The following CNDP2 variants were observed in gnomAD, a reference collection of about 807,000 sequenced individuals.
The protein encoded by CNDP2 is cytosolic non-specific dipeptidase.
CNDP2 carries 38 observed loss-of-function variants against 55.0 expected under a neutral mutation model. The observed-to-expected ratio is 0.69, with a 90% CI of 0.53 to 0.90. The LOEUF (loss-of-function observed/expected upper bound fraction) is 0.90, where lower values mean the gene tolerates loss of function less well. Among genes scored for constraint, CNDP2 ranks in the 40% least tolerant of loss-of-function variants. The pLI, the probability that CNDP2 is intolerant of heterozygous loss-of-function variation, is 0.00. For missense variants in CNDP2, 607 were observed against 621.7 expected, an observed-to-expected ratio of 0.98 and a Z score of 0.25; for synonymous variants, 241 against 260.2, an observed-to-expected ratio of 0.93 and a Z score of 0.71.
At chr18:74,513,449 C>T (rs1979467638) in intron 7 of CNDP2, 110 bp from the exon 8 acceptor site, 2 of 1,197,312 alleles carry the variant, frequency 1.7e-6, no homozygotes, top group Non-Finnish European at 2.3e-6. Flanking sequence ...GGCTGTGGGG[C>T]CTGAGCCGCA....
rs554910229 is a variant in CNDP2 at position 74,513,419 on chromosome 18, T to C, written c.743-140T>C. On this transcript the variant is annotated intron_variant, in intron 7 of 11. Transcript: ENST00000324262. ...TTCTGTGGACGCTTGTGGCTGCTCT[T>C]GGCCCCTCCTCAGCCACGTGGCTGT... 5,225 of 820,114 alleles carry C rather than the reference T, an allele frequency of 6.4e-3. 24 individuals carry two copies. The highest frequency in any genetic ancestry group is 8.2e-3 in the Non-Finnish European group (4,484 of 546,610). The allele number at this position is 820,114 out of a possible 1,614,324, so 50.8% of individuals were successfully genotyped here.
chr18:74,505,838 T>A lies in CNDP2; in HGVS notation c.205-11T>A. On this transcript the variant is annotated splice_polypyrimidine_tract_variant and intron_variant, in intron 3 of 11. Coordinates refer to ENST00000324262, the MANE Select transcript of CNDP2 (RefSeq NM_018235.3). ...AAGGCTGTCCTTGGTTCCTTTCCTC[T>A]CCATGCTCAGCTCCCTGATGGCTCG... is the stretch of plus-strand genomic sequence containing the variant. 1.2e-6 allele frequency: 2 copies of A among 1,612,930 alleles called. No homozygotes were observed. Among genetic ancestry groups the A allele is most frequent in the Non-Finnish European group, 8.5e-7 (1 of 1,179,608 alleles).
rs575009092 is a variant in CNDP2, at chr18:74,513,767, C to T, written c.903+48C>T. The T allele has an allele frequency of 7.9e-5, 125 of 1,586,968 alleles. No homozygotes were observed. In the South Asian group the frequency reaches 1.2e-3, roughly 16 times the overall value. ...GCCACCTGCCCAGGCCACGCTGTGA[C>T]ACAGGTGTCCCCCAGGCCCTGTCAC... On this transcript the variant is annotated intron_variant, in intron 8 of 11. Coordinates refer to ENST00000324262, the MANE Select transcript of CNDP2 (RefSeq NM_018235.3).
In CNDP2 at chr18:74,513,695, G is replaced by A. The variant is rs777738255; in HGVS notation, c.879G>A (p.Ala293=). The A allele has an allele frequency of 9.3e-6, 15 of 1,613,954 alleles. No individual in the cohort carries two copies. Among genetic ancestry groups the A allele is most frequent in the South Asian group, 5.5e-5 (5 of 91,078 alleles). Residue 293 remains alanine, a synonymous_variant, in exon 8 of 12, where the codon GCG becomes GCA. Coordinates refer to ENST00000324262, the MANE Select transcript of CNDP2 (RefSeq NM_018235.3). ...DIEEFAKDVG[A]QILLHSHKKD... is the part of the protein sequence containing the mutation. ...AGGAGTTTGCCAAGGATGTGGGGGCGCAGATCCTCCTGCACAGCCACAAGG... is the reference window on the plus strand; with the variant it reads ...AGGAGTTTGCCAAGGATGTGGGGGCACAGATCCTCCTGCACAGCCACAAGG...
chr18:74,515,349 A>G (rs1450127054), intron 8 of CNDP2, among the ~76,000 whole-genome samples: 1 of 152,140 alleles, frequency 6.6e-6, no homozygotes, highest in Non-Finnish European at 1.5e-5. Flanking sequence ...GAAGGTCCCC[A>G]CCGGCAGTGA....
intron 5 of CNDP2, chr18:74,509,477 C>G (rs1384861482): frequency 6.6e-6 from 1 of 152,344 alleles, no homozygotes; most frequent in Non-Finnish European, 1.5e-5. Context: ...TCTACTCAAA[C>G]TACAAAATTA....
intron 6 of CNDP2, 136 bp downstream of exon 6, chr18:74,511,149 C>T: frequency 1.4e-6 from 1 of 698,254 alleles, no homozygotes; most frequent in East Asian, 2.7e-5. Flanking sequence ...TGCCCCAATT[C>T]CCAGCTTCCA....
At chr18:74,512,305 G>A (rs1456941353) in intron 6 of CNDP2, 143 bp from the exon 7 acceptor site, 1 of 648,224 alleles carries the variant, frequency 1.5e-6, no homozygotes, top group Admixed American at 3.1e-5. Context: ...TTTGGGAAAT[G>A]CCTTGCTTTG....
At chr18:74,512,835 C>T (rs369578751) in intron 7 of CNDP2, among the ~76,000 whole-genome samples, 4 of 152,206 alleles carry the variant, frequency 2.6e-5, no homozygotes, top group Non-Finnish European at 5.9e-5. Context: ...GCACGTGGTG[C>T]TGTCCTTTCT....
rs768422342 is a variant in CNDP2, at chr18:74,520,123, C to G, written c.*55C>G. On this transcript the variant is annotated 3_prime_UTR_variant, in exon 12 of 12. Transcript: ENST00000324262. The stretch of plus-strand genomic sequence containing the variant: ...AGAAGGAATCCTGCCCTCACCTCAC[C>G]CTTTTCCAACTTGCCCAGGGAAGTG... 6.4e-7 allele frequency: 1 copy of G among 1,564,470 alleles called. No homozygotes were observed. Among genetic ancestry groups the G allele is most frequent in the South Asian group, 1.1e-5 (1 of 89,552 alleles).
At chr18:74,502,472 G>GTTTTTTTTTTT (rs139713521) in intron 3 of CNDP2, among the ~76,000 whole-genome samples, 1 of 148,608 alleles carries the variant, frequency 6.7e-6, no homozygotes. Flanking sequence ...TTGTCTTTTT[G>GTTTTTTTTTTT]GTTTTTTTTT....
At chr18:74,501,306 C>T (rs1391029864) in intron 2 of CNDP2, 23 bp from the exon 3 acceptor site, 4 of 1,607,422 alleles carry the variant, frequency 2.5e-6, no homozygotes, top group East Asian at 4.5e-5. Flanking sequence ...CAGAATCCCT[C>T]GTTGCTTCTT....
chr18:74,519,546 G>A (rs1243355801), intron 11 of CNDP2, among the ~76,000 whole-genome samples: 1 of 152,166 alleles, frequency 6.6e-6, no homozygotes, highest in Non-Finnish European at 1.5e-5. Flanking sequence ...TAGTTCCGGG[G>A]GAGGCCTCTG....
intron 5 of CNDP2, chr18:74,509,633 A>G (rs1289645056): frequency 1.1e-4 from 1 of 9,094 alleles, no homozygotes; most frequent in African/African-American, 1.6e-4. Context: ...ACTCTGTCTC[A>G]AAAAAAAAAA....
intron 8 of CNDP2, among the ~76,000 whole-genome samples, chr18:74,514,470 T>G (rs576209528): frequency 2.0e-5 from 3 of 149,616 alleles, no homozygotes; most frequent in Admixed American, 6.7e-5. Context: ...GGCTATAGGT[T>G]TATGTGGTAT....
intron 6 of CNDP2, among the ~76,000 whole-genome samples, chr18:74,511,480 A>G (rs991645345): frequency 9.9e-5 from 15 of 151,992 alleles, no homozygotes; most frequent in South Asian, 4.1e-4. Context: ...GCCGAGCCAG[A>G]TGGATCACTT....
Position 74,518,548 on chromosome 18 carries a change from A to G in CNDP2, c.1118A>G (p.Glu373Gly). Residue 373 changes from glutamate to glycine, a missense_variant, in exon 10 of 12, where the codon GAG (glutamate) becomes GGG (glycine). By Grantham distance (98) the Glu-to-Gly change is moderately conservative (BLOSUM62 -2). Transcript: ENST00000324262. ...KKFAELRSPN[E>G]FKVYMGHGGK... The stretch of plus-strand genomic sequence containing the variant: ...TTTGCTGAACTACGCAGCCCCAATG[A>G]GTTCAAGGTGTACATGGGCCACGGT... The G allele has an allele frequency of 6.2e-7, 1 of 1,614,228 alleles. No individual in the cohort carries two copies.
rs1160635314 is a variant in CNDP2 at position 74,499,890 on chromosome 18, T to C, written c.-84T>C. The C allele has an allele frequency of 8.7e-6, 11 of 1,264,974 alleles. No individual in the cohort carries two copies. The highest frequency in any genetic ancestry group is 1.2e-5 in the Non-Finnish European group (11 of 882,892). The allele number at this position is 1,264,974 out of a possible 1,614,324, so 78.4% of individuals were successfully genotyped here. On this transcript the variant is annotated 5_prime_UTR_variant, in exon 2 of 12. Coordinates refer to ENST00000324262, the MANE Select transcript of CNDP2 (RefSeq NM_018235.3). ...ACGTGCTTTCTGGGCAGGTCGCCCC[T>C]CAGTCTCCACTAGAGACAGGACTGA...
chr18:74,501,271 C>G, intron 2 of CNDP2, 58 bp from the exon 3 acceptor site: 1 of 1,567,346 alleles, frequency 6.4e-7, no homozygotes, highest in Non-Finnish European at 8.6e-7. Context: ...TTACGGGAGC[C>G]TCTTCTCCCT....
Sources: gnomAD v4.1 joint callset for allele counts (sites outside exome capture counted in the v4.1 genomes callset) on GRCh38, gnomAD v4.1.1 for gene constraint, MANE v1.5 for transcripts, NCBI Gene and HGNC (gene_info 2026-07-23, HGNC 2026-07-21) for gene names.